CLSTN1: variants seen among roughly 807,000 people sequenced by gnomAD.
CLSTN1 encodes calsyntenin 1.
A neutral mutation model predicts 108.3 loss-of-function variants in CLSTN1; 28 were observed. The observed-to-expected ratio is 0.26, with a 90% CI of 0.19 to 0.35. CLSTN1 has a LOEUF of 0.35. Among genes scored for constraint, CLSTN1 ranks in the 10% least tolerant of loss-of-function variants. The pLI is 1.00. For synonymous variants in CLSTN1, 524 were observed against 534.9 expected, an observed-to-expected ratio of 0.98 and a Z score of 0.28; for missense variants, 1,157 against 1,302.6, an observed-to-expected ratio of 0.89 and a Z score of 1.72.
rs576954670 is a variant in CLSTN1, at chr1:9,761,432, G to A, written c.215-4922C>T. Among the ~76,000 whole-genome samples, 8 of 152,306 alleles carry A rather than the reference G, an allele frequency of 5.3e-5. No homozygotes were observed. In the South Asian group the frequency reaches 1.7e-3, roughly 32 times the overall value. On this transcript the variant is annotated intron_variant, in intron 2 of 18. Coordinates refer to ENST00000377298, the MANE Select transcript of CLSTN1 (RefSeq NM_001009566.3). ...CACCTGAGTCTCGGATGTTAAGCCTGTAGTGAGCCATTATCATGCCACTGC... is the reference window on the plus strand; with the variant it reads ...CACCTGAGTCTCGGATGTTAAGCCTATAGTGAGCCATTATCATGCCACTGC...
Position 9,773,304 on chromosome 1 carries a change from G to A in CLSTN1, c.182C>T (p.Ala61Val), listed in dbSNP as rs758488803. The change falls in exon 2 of 19, where the codon GCG becomes GTG. Residue 61 changes from alanine to valine, a missense_variant. Physicochemically the swap from Ala to Val is moderately conservative, Grantham distance 64 (BLOSUM62 0). Transcript: ENST00000377298. ...TCGCAGAGGCGCATCTTTATCCAGC[G>A]CGATCAGTGGGGGGTCGAGGAGCAC... ...NTVLLDPPLI[A>V]LDKDAPLRFA... 25 of 1,614,000 alleles carry A rather than the reference G, an allele frequency of 1.5e-5. No homozygotes were observed. The highest frequency in any genetic ancestry group is 1.9e-5 in the Non-Finnish European group (22 of 1,180,008).
chr1:9,750,581 G>A lies in CLSTN1; in HGVS notation c.650-668C>T, dbSNP rs373260746. On this transcript the variant is annotated intron_variant, in intron 5 of 18. Transcript: ENST00000377298. ...CTCCCAAATAGCTGGGACTACAGGT[G>A]TGTGCCTGCAGTCCCAGCTACTAGC... 1.2e-4 allele frequency among the ~76,000 whole-genome samples: 19 copies of A among 152,120 alleles called. No individual in the cohort carries two copies. The East Asian group carries it at 3.3e-3, about 26-fold the overall frequency.
intron 2 of CLSTN1, among the ~76,000 whole-genome samples, chr1:9,772,899 C>T (rs1652759737): frequency 6.6e-6 from 1 of 152,198 alleles, no homozygotes; most frequent in Admixed American, 6.5e-5. Flanking sequence ...GCAACACCAG[C>T]AGTACCTAGG....
rs994317461 is a variant in CLSTN1 at position 9,729,581 on chromosome 1, C to T, written c.*927G>A. The T allele has an allele frequency of 3.3e-5, 5 of 152,650 alleles. No individual in the cohort carries two copies. The highest frequency in any genetic ancestry group is 7.3e-5 in the Non-Finnish European group (5 of 68,130). 9.5% of individuals were successfully genotyped at this position (152,650 alleles called of 1,614,324 possible). A position where few individuals can be genotyped will look rare whatever the true frequency, so the allele number is the denominator to read the frequency against. ...GTCAGCCGGTCTGCAGGACACCTCT[C>T]AGTTTCTCCTTTTACCAGCAGGAAA... is the stretch of plus-strand genomic sequence containing the variant. On this transcript the variant is annotated 3_prime_UTR_variant, in exon 19 of 19. Coordinates refer to ENST00000377298, the MANE Select transcript of CLSTN1 (RefSeq NM_001009566.3).
chr1:9,764,502 T>C (rs1468189372), intron 2 of CLSTN1, among the ~76,000 whole-genome samples: 2 of 152,108 alleles, frequency 1.3e-5, no homozygotes, highest in South Asian at 2.1e-4. Flanking sequence ...CCAGGTATGA[T>C]GGCACAGGCC....
At position 9,808,743 on chromosome 1, in the gene CLSTN1, C is replaced by G. The variant is rs141084607; in HGVS notation, c.91+14900G>C. Among the ~76,000 whole-genome samples the G allele has an allele frequency of 4.2e-3, 635 of 152,154 alleles. 12 individuals carry two copies. In the East Asian group the frequency reaches 0.043, roughly 10 times the overall value. On this transcript the variant is annotated intron_variant, in intron 1 of 18. Transcript: ENST00000377298. ...TCAATCTGACCAGAACTAGCACGGA[C>G]TCACATTGGTTGGCCACTGCTGTGG...
chr1:9,772,369 G>A (rs1652734518), intron 2 of CLSTN1, among the ~76,000 whole-genome samples: 1 of 151,916 alleles, frequency 6.6e-6, no homozygotes. Flanking sequence ...GTGCAGTGGT[G>A]CAATCAAGGC....
At position 9,730,816 on chromosome 1, in the gene CLSTN1, C is replaced by T. The variant is rs1570427763; in HGVS notation, c.2749-111G>A. The T allele has an allele frequency of 1.9e-6, 2 of 1,047,366 alleles. No individual in the cohort carries two copies. Among genetic ancestry groups the T allele is most frequent in the East Asian group, 2.6e-5 (1 of 38,302 alleles). 64.9% of individuals were successfully genotyped at this position (1,047,366 alleles called of 1,614,324 possible). On this transcript the variant is annotated intron_variant, in intron 18 of 18. Transcript: ENST00000377298. This position sits in a 1 kb window ranked among gnomAD's most constrained non-coding sequence, Gnocchi z 5.6. ...AAGGAGAACTTGCCCCAGCGTCTCC[C>T]TCCCCAGCGACAGAGCAGCCAGGAC...
At chr1:9,747,426 T>C (rs1249532904) in intron 7 of CLSTN1, among the ~76,000 whole-genome samples, 1 of 152,166 alleles carries the variant, frequency 6.6e-6, no homozygotes, top group Non-Finnish European at 1.5e-5. Flanking sequence ...CACCCCCATA[T>C]GCTCATCATT....
At chr1:9,776,842 TATCTATC>T (rs1652971476) in intron 1 of CLSTN1, among the ~76,000 whole-genome samples, 2 of 150,320 alleles carry the variant, frequency 1.3e-5, no homozygotes, top group South Asian at 4.2e-4. Flanking sequence ...TATCAGCATT[TATCTATC>T]ATCTATCAGC....
chr1:9,780,611 A>G (rs1653195652), intron 1 of CLSTN1, among the ~76,000 whole-genome samples: 1 of 152,238 alleles, frequency 6.6e-6, no homozygotes, highest in Admixed American at 6.5e-5. Context: ...TAAATATTTA[A>G]TGAGTGATAT....
chr1:9,730,755 C>T lies in CLSTN1; in HGVS notation c.2749-50G>A, dbSNP rs1470260129. ...ATGAGTCCGGCCCTGCCCACAGCCC[C>T]GTCACCTGGCATTCTCCTCTCGACA... is the stretch of plus-strand genomic sequence containing the variant. On this transcript the variant is annotated intron_variant, in intron 18 of 18. Coordinates refer to ENST00000377298, the MANE Select transcript of CLSTN1 (RefSeq NM_001009566.3). This position sits in a 1 kb window ranked among gnomAD's most constrained non-coding sequence, Gnocchi z 5.6. 1.3e-5 allele frequency: 20 copies of T among 1,505,332 alleles called. No homozygotes were observed. In the South Asian group the frequency reaches 2.1e-4, roughly 16 times the overall value. 93.2% of individuals were successfully genotyped at this position (1,505,332 alleles called of 1,614,324 possible). A position where few individuals can be genotyped will look rare whatever the true frequency, so the allele number is the denominator to read the frequency against.
intron 2 of CLSTN1, among the ~76,000 whole-genome samples, chr1:9,761,840 G>A (rs1396684992): frequency 6.6e-6 from 1 of 152,162 alleles, no homozygotes; most frequent in East Asian, 1.9e-4. Flanking sequence ...GTAAGCAACA[G>A]AAATCCTTTC....
chr1:9,809,723 A>T (rs1413355735), intron 1 of CLSTN1, among the ~76,000 whole-genome samples: 1 of 151,906 alleles, frequency 6.6e-6, no homozygotes, highest in Non-Finnish European at 1.5e-5. Context: ...CAACATGGTA[A>T]AACCCCATCT....
intron 5 of CLSTN1, among the ~76,000 whole-genome samples, chr1:9,750,326 GC>G (rs1651493375): frequency 6.6e-6 from 1 of 152,156 alleles, no homozygotes; most frequent in African/African-American, 2.4e-5. Context: ...TAGAACAGAA[GC>G]CTGCTTTTTG....
intron 11 of CLSTN1, 32 bp downstream of exon 11, chr1:9,737,466 C>G (rs754551275): frequency 6.3e-7 from 1 of 1,596,308 alleles, no homozygotes; most frequent in South Asian, 1.1e-5. Flanking sequence ...AAATGAAACA[C>G]AATAGTGAAT....
chr1:9,753,736 A>T (rs1395740596), intron 4 of CLSTN1, among the ~76,000 whole-genome samples: 1 of 151,926 alleles, frequency 6.6e-6, no homozygotes. Flanking sequence ...GGTGAAAATC[A>T]CCTCAGGTGA....
Position 9,777,217 on chromosome 1 carries a change from CAAAAAAAA to C in CLSTN1, c.92-3831_92-3824del, listed in dbSNP as rs1183664020. 2.8e-3 allele frequency among the ~76,000 whole-genome samples: 145 copies of C among 51,162 alleles called. 1 individual carries two copies. The highest frequency in any genetic ancestry group is 0.011 in the African/African-American group (139 of 13,036). 33.6% of individuals were successfully genotyped at this position (51,162 alleles called of 152,430 possible). ...CCTGGGCGACAGAGCGAGACTGTCT[CAAAAAAAA>C]AAAAAAAAAAAAGCCTGGGAGTGGT... is the stretch of plus-strand genomic sequence containing the variant. On this transcript the variant is annotated intron_variant, in intron 1 of 18. Transcript: ENST00000377298.
At chr1:9,770,686 C>G (rs971960315) in intron 2 of CLSTN1, among the ~76,000 whole-genome samples, 1 of 152,208 alleles carries the variant, frequency 6.6e-6, no homozygotes, top group African/African-American at 2.4e-5. Context: ...CATTGCTATG[C>G]ATGCTTTATA....
Sources: allele counts gnomAD v4.1 joint callset (sites outside exome capture counted in the v4.1 genomes callset), GRCh38; gene constraint gnomAD v4.1.1; non-coding constraint Gnocchi (gnomAD v3.1); transcripts MANE v1.5; gene names NCBI Gene and HGNC (gene_info 2026-07-23, HGNC 2026-07-21).